Variants in FEZF1 observed in about 807,000 individuals in gnomAD.
The protein encoded by FEZF1 is fez family zinc finger protein 1.
In FEZF1, 8 loss-of-function variants were observed where a neutral mutation model predicts 32.4. That is an observed-to-expected ratio of 0.25 (90% CI 0.15 to 0.45). FEZF1 has a LOEUF of 0.45. Among genes scored for constraint, FEZF1 ranks in the 20% least tolerant of loss-of-function variants. The pLI, the probability that FEZF1 is intolerant of heterozygous loss-of-function variation, is 1.00. For synonymous variants in FEZF1, 259 were observed against 265.2 expected (o/e 0.98, Z 0.23); for missense variants, 546 against 622.3 (o/e 0.88, Z 1.31).
At chr7:122,305,856 G>A (rs1331163531), upstream of FEZF1, 1 of 152,284 alleles carries the variant, frequency 6.6e-6, no homozygotes, top group East Asian at 1.9e-4. Flanking sequence ...AGCGCGCGTA[G>A]AGACCATTTC....
At position 122,303,203 on chromosome 7, in the gene FEZF1, A is replaced by G; in HGVS notation, c.910T>C (p.Cys304Arg). The change falls in exon 2 of 4, where the codon TGC (cysteine) becomes CGC (arginine). Residue 304 changes from cysteine to arginine, a missense_variant. This residue lies in a region of FEZF1 where 118 missense variants were observed against 188.7 expected (regional missense o/e 0.63). Transcript: ENST00000442488. Reference protein sequence around the residue: ...GKGFRQASTLCRHKIIHTQEK... With the variant: ...GKGFRQASTLRRHKIIHTQEK... ...TGCGTGTGAATGATCTTGTGCCTGC[A>G]CAGGGTGCTTGCTTGCCTGAAACCT... 1 of 1,614,206 alleles carries G rather than the reference A, an allele frequency of 6.2e-7. No homozygotes were observed. The highest frequency in any genetic ancestry group is 8.5e-7 in the Non-Finnish European group (1 of 1,180,040).
upstream of FEZF1, among the ~76,000 whole-genome samples, chr7:122,309,069 G>A (rs1003025951): frequency 2.0e-5 from 3 of 152,184 alleles, no homozygotes; most frequent in Admixed American, 6.5e-5. Context: ...GACACAAATA[G>A]CAAAGGTCTA....
upstream of FEZF1, among the ~76,000 whole-genome samples, chr7:122,308,137 A>G (rs1036278546): frequency 1.3e-5 from 2 of 152,094 alleles, no homozygotes; most frequent in African/African-American, 4.8e-5. Context: ...GTTTCTTTGG[A>G]TTTTCTTTGA....
Position 122,302,195 on chromosome 7 carries a change from G to A in FEZF1, c.1230C>T (p.Cys410=), listed in dbSNP as rs752454702. The A allele has an allele frequency of 6.2e-7, 1 of 1,614,118 alleles. No individual in the cohort carries two copies. Among genetic ancestry groups the A allele is most frequent in the Non-Finnish European group, 8.5e-7 (1 of 1,180,058 alleles). The change falls in exon 4 of 4, where the codon TGC becomes TGT. Residue 410 remains cysteine (C), a synonymous_variant. Coordinates refer to ENST00000442488, the MANE Select transcript of FEZF1 (RefSeq NM_001024613.4). The surrounding 1 kb of genome is among the most constrained non-coding windows in gnomAD (Gnocchi z 4.4). ...FTCPTCGKGF[C]RNFDLKKHVR... is the part of the protein sequence containing the mutation. ...CATGCTTCTTGAGGTCAAAGTTCCT[G>A]CAGAAACCCTTGCCGCACGTGGGGC... is the stretch of plus-strand genomic sequence containing the variant.
Position 122,301,968 on chromosome 7 carries a change from G to A in FEZF1, c.*29C>T. On this transcript the variant is annotated 3_prime_UTR_variant, in exon 4 of 4. Transcript: ENST00000442488. ...GCCGCTGCCTCAGCGTGGGGGCACGGCTGAGGCTGGGAGGACCCTTAGCCT... is the reference window on the plus strand; with the variant it reads ...GCCGCTGCCTCAGCGTGGGGGCACGACTGAGGCTGGGAGGACCCTTAGCCT... 6.4e-7 allele frequency: 1 copy of A among 1,554,786 alleles called. No individual in the cohort carries two copies. Among genetic ancestry groups the A allele is most frequent in the Admixed American group, 2.1e-5 (1 of 47,644 alleles).
chr7:122,308,198 C>T (rs2031336724), upstream of FEZF1, among the ~76,000 whole-genome samples: 1 of 152,126 alleles, frequency 6.6e-6, no homozygotes, highest in South Asian at 2.1e-4. Flanking sequence ...AAGTGTGCCT[C>T]CCCTTTCCAT....
Position 122,304,650 on chromosome 7 carries a change from T to G in FEZF1, c.-213A>C, listed in dbSNP as rs1164729007. 3 of 451,500 alleles carry G rather than the reference T, an allele frequency of 6.6e-6. No homozygotes were observed. The highest frequency in any genetic ancestry group is 1.2e-5 in the Non-Finnish European group (3 of 249,020). 28.0% of individuals were successfully genotyped at this position (451,500 alleles called of 1,614,324 possible). A position where few individuals can be genotyped will look rare whatever the true frequency, so the allele number is the denominator to read the frequency against. ...GCAGAGTTCTTGGCGCACCAATGAC[T>G]CGGGGACAATCACTACTTATTTCTA... On this transcript the variant is annotated 5_prime_UTR_variant, in exon 1 of 4. Coordinates refer to ENST00000442488, the MANE Select transcript of FEZF1 (RefSeq NM_001024613.4).
rs72569111 is a variant in FEZF1, at chr7:122,302,780, C to CAAT, written c.1069+18_1069+19insATT. ...TTTTCATAAGACTAACCATGAGAGA[C>CAAT]ATTTCCTGGTTTGCATACCTTTTTG... On this transcript the variant is annotated intron_variant, in intron 3 of 3. Transcript: ENST00000442488. This position sits in a 1 kb window ranked among gnomAD's most constrained non-coding sequence, Gnocchi z 4.4. The CAAT allele has an allele frequency of 1.2e-6, 2 of 1,612,188 alleles. No individual in the cohort carries two copies. Among genetic ancestry groups the CAAT allele is most frequent in the Non-Finnish European group, 1.7e-6 (2 of 1,178,714 alleles).
chr7:122,309,303 C>T (rs1331854146), upstream of FEZF1, among the ~76,000 whole-genome samples: 2 of 152,218 alleles, frequency 1.3e-5, no homozygotes, highest in African/African-American at 4.8e-5. Context: ...GATTAACTCA[C>T]AGAGCCCTCC....
chr7:122,307,765 G>T (rs1373701816), upstream of FEZF1, among the ~76,000 whole-genome samples: 2 of 152,186 alleles, frequency 1.3e-5, no homozygotes, highest in Non-Finnish European at 2.9e-5. Context: ...CCTTTAAGAT[G>T]GCCTTGAGTT....
chr7:122,304,112 A>G lies in FEZF1; in HGVS notation c.326T>C (p.Val109Ala). The G allele has an allele frequency of 1.3e-6, 2 of 1,589,706 alleles. No individual in the cohort carries two copies. The highest frequency in any genetic ancestry group is 1.7e-6 in the Non-Finnish European group (2 of 1,167,390). Reference protein sequence around the residue: ...SLEAPAAPAAVPSAPAFSCSD... With the variant: ...SLEAPAAPAAAPSAPAFSCSD... ...GCAGCTGAATGCGGGAGCCGAGGGC[A>G]CCGCCGCGGGCGCCGCCGGGGCCTC... is the stretch of plus-strand genomic sequence containing the variant. The change falls in exon 1 of 4, where the codon GTG becomes GCG. Residue 109 changes from valine to alanine, a missense_variant. Physicochemically the swap from Val to Ala is moderately conservative, Grantham distance 64. Around this residue, in one of 3 missense-constraint regions of FEZF1, gnomAD observed 345 missense variants for 360.6 expected, o/e 0.96. Coordinates refer to ENST00000442488, the MANE Select transcript of FEZF1 (RefSeq NM_001024613.4).
chr7:122,303,446 G>A (rs1584959642), intron 1 of FEZF1, 135 bp from the exon 2 acceptor site: 1 of 1,129,266 alleles, frequency 8.9e-7, no homozygotes, highest in Non-Finnish European at 1.3e-6. Flanking sequence ...TACTAAAAAG[G>A]GAGGAAGGAA....
Position 122,302,120 on chromosome 7 carries a change from G to T in FEZF1, c.1305C>A (p.Gly435=). 6.2e-7 allele frequency: 1 copy of T among 1,613,744 alleles called. No homozygotes were observed. Among genetic ancestry groups the T allele is most frequent in the African/African-American group, 1.3e-5 (1 of 75,054 alleles). ...GGGGCGGCGGTTCAGTGCCTGGTTC[G>T]CCAGCTGGCGTGCGGGCCAGCCCCA... ...SSLGLARTPA[G]EPGTEPPPPL... is the part of the protein sequence containing the mutation. The change falls in exon 4 of 4, where the codon GGC becomes GGA. Residue 435 remains glycine, a synonymous_variant. Transcript: ENST00000442488. This position sits in a 1 kb window ranked among gnomAD's most constrained non-coding sequence, Gnocchi z 4.4.
chr7:122,304,551 T>G lies in FEZF1; in HGVS notation c.-114A>C. On this transcript the variant is annotated 5_prime_UTR_variant, in exon 1 of 4. Transcript: ENST00000442488. ...ACGGGCACCATCACCACCAGTAGCC[T>G]CCTCCTCCTCCTCCTCCCCAGCATC... The G allele has an allele frequency of 1.5e-6, 1 of 654,366 alleles. No individual in the cohort carries two copies. Among genetic ancestry groups the G allele is most frequent in the East Asian group, 3.3e-5 (1 of 30,710 alleles). The allele number at this position is 654,366 out of a possible 1,614,324, so 40.5% of individuals were successfully genotyped here. A position where few individuals can be genotyped will look rare whatever the true frequency, so the allele number is the denominator to read the frequency against.
chr7:122,303,651 C>A lies in FEZF1; in HGVS notation c.787G>T (p.Glu263Ter). 1 of 1,613,772 alleles carries A rather than the reference C, an allele frequency of 6.2e-7. No homozygotes were observed. Among genetic ancestry groups the A allele is most frequent in the Non-Finnish European group, 8.5e-7 (1 of 1,179,942 alleles). ...PNAKPKVFTC[E>*]VCGKVFNAHY... ...ATTGTACTTGCCTTTCCACACACTT[C>A]GCAAGTGAAAACTTTGGGCTTGGCA... Residue 263 changes from glutamate (E) to a stop codon, truncating the protein, a stop_gained, in exon 1 of 4, where the codon GAA becomes TAA. Transcript: ENST00000442488. LOFTEE classifies it high-confidence loss of function.
rs1563042717 is a variant in FEZF1, at chr7:122,303,863, G to A, written c.575C>T (p.Pro192Leu). 2 of 1,614,146 alleles carry A rather than the reference G, an allele frequency of 1.2e-6. No individual in the cohort carries two copies. Among genetic ancestry groups the A allele is most frequent in the Middle Eastern group, 1.7e-4 (1 of 6,060 alleles). Residue 192 changes from proline to leucine, a missense_variant, in exon 1 of 4, where the codon CCG (proline) becomes CTG (leucine). Pro to Leu is a moderately conservative substitution (Grantham distance 98). Around this residue, in one of 3 missense-constraint regions of FEZF1, gnomAD observed 345 missense variants for 360.6 expected, o/e 0.96. Coordinates refer to ENST00000442488, the MANE Select transcript of FEZF1 (RefSeq NM_001024613.4). ...ASYFLSSPLH[P>L]QPKTYLAERN... ...TTCGGCTAAATACGTTTTTGGCTGC[G>A]GGTGCAAAGGGGAACTGAGGAAGTA...
At chr7:122,308,298 C>A (rs957641095), upstream of FEZF1, among the ~76,000 whole-genome samples, 2 of 152,024 alleles carry the variant, frequency 1.3e-5, no homozygotes, top group African/African-American at 2.4e-5. Flanking sequence ...CCTGAGGAAA[C>A]CACAGCAGTT....
At chr7:122,310,707 GC>G, upstream of FEZF1, 1 of 152,472 alleles carries the variant, frequency 6.6e-6, no homozygotes, top group Non-Finnish European at 1.5e-5. Context: ...GACCACCACC[GC>G]CCCAGCTGGT....
Position 122,302,326 on chromosome 7 carries a change from T to C in FEZF1, c.1099A>G (p.Ser367Gly). The C allele has an allele frequency of 6.2e-7, 1 of 1,614,098 alleles. No homozygotes were observed. The highest frequency in any genetic ancestry group is 1.6e-4 in the Middle Eastern group (1 of 6,062). The change falls in exon 4 of 4, where the codon AGC becomes GGC. Residue 367 changes from serine to glycine, a missense_variant. Physicochemically the swap from Ser to Gly is moderately conservative, Grantham distance 56 (BLOSUM62 0). Around this residue, in one of 3 missense-constraint regions of FEZF1, gnomAD observed 118 missense variants for 188.7 expected, o/e 0.63. Transcript: ENST00000442488. The surrounding 1 kb of genome is among the most constrained non-coding windows in gnomAD (Gnocchi z 4.4). ...TTGCACTTGAACTGCTTCTCCCCGC[T>C]GTGGGTCAACTTGTGGTTTTTGTAA... ...GNYKNHKLTH[S>G]GEKQFKCNIC...
Sources: gnomAD v4.1 joint callset for allele counts (sites outside exome capture counted in the v4.1 genomes callset) on GRCh38, gnomAD v4.1.1 for gene constraint, gnomAD v4.1.1 regional missense constraint, Gnocchi (gnomAD v3.1) non-coding constraint, MANE v1.5 for transcripts, NCBI Gene and HGNC (gene_info 2026-07-23, HGNC 2026-07-21) for gene names.